RGS12: variants seen among roughly 807,000 people sequenced by gnomAD.
The protein encoded by RGS12 is regulator of G protein signaling 12.
Under a neutral mutation model 120.1 loss-of-function variants are expected in RGS12, and 66 were observed. The observed-to-expected ratio is 0.55, with a 90% CI of 0.45 to 0.67. The LOEUF is 0.67. Ranked by LOEUF, RGS12 falls within the 30% of genes least tolerant of loss-of-function variation. RGS12 has a pLI of 0.00. For synonymous variants in RGS12, 827 were observed against 804.7 expected, an observed-to-expected ratio of 1.03 and a Z score of -0.47; for missense variants, 1,859 against 1,957.7, an observed-to-expected ratio of 0.95 and a Z score of 0.95.
intron 3 of RGS12, among the ~76,000 whole-genome samples, chr4:3,355,733 T>G (rs1184654181): frequency 1.4e-5 from 2 of 139,166 alleles, no homozygotes; most frequent in African/African-American, 2.7e-5. Context: ...AGGTCAAGGC[T>G]GCAGTAAGCT....
Position 3,425,412 on chromosome 4 carries a change from T to C in RGS12, c.3235-52T>C, listed in dbSNP as rs1723502790. 1.3e-5 allele frequency: 19 copies of C among 1,476,418 alleles called. 3 individuals are homozygous for C. In the South Asian group the frequency reaches 1.6e-4, roughly 12 times the overall value. 91.5% of individuals were successfully genotyped at this position (1,476,418 alleles called of 1,614,324 possible). A position where few individuals can be genotyped will look rare whatever the true frequency, so the allele number is the denominator to read the frequency against. ...AGTCGGGTGGGATCACACACATCTGTTCCCTGAAGTTCCAGTCTGGGTAAA... is the reference window on the plus strand; with the variant it reads ...AGTCGGGTGGGATCACACACATCTGCTCCCTGAAGTTCCAGTCTGGGTAAA... On this transcript the variant is annotated intron_variant, in intron 13 of 17. Transcript: ENST00000336727.
intron 6 of RGS12, among the ~76,000 whole-genome samples, chr4:3,415,590 T>C (rs1400064057): frequency 6.6e-6 from 1 of 152,162 alleles, no homozygotes; most frequent in African/African-American, 2.4e-5. Context: ...GGCTGCTGTT[T>C]CCTCAGTTGG....
intron 12 of RGS12, among the ~76,000 whole-genome samples, 185 bp from the exon 13 acceptor site, chr4:3,423,330 T>G (rs911931616): frequency 2.0e-5 from 3 of 152,210 alleles, no homozygotes; most frequent in African/African-American, 7.2e-5. Flanking sequence ...GAGGAGACCA[T>G]AGCCCTTGCT....
At chr4:3,291,909 G>A (rs1374544828), upstream of RGS12, among the ~76,000 whole-genome samples, 1 of 152,222 alleles carries the variant, frequency 6.6e-6, no homozygotes, top group East Asian at 1.9e-4. Context: ...GTCCCACTGA[G>A]AATGCCATTG....
Position 3,414,175 on chromosome 4 carries a change from G to T in RGS12, c.2124G>T (p.Arg708Ser). 6.4e-7 allele frequency: 1 copy of T among 1,554,268 alleles called. No individual in the cohort carries two copies. The change falls in exon 5 of 18, where the codon AGG becomes AGT. Residue 708 changes from arginine to serine, a missense_variant. Physicochemically the swap from Arg to Ser is moderately radical, Grantham distance 110. Coordinates refer to ENST00000336727, the MANE Select transcript of RGS12 (RefSeq NM_001394154.1). ...VQSCRRLRER[R>S]VASWAVSFER... ...GCTGCCGGCGCCTGCGTGAGAGGAG[G>T]GTCGCCAGCTGGGCCGTGTCCTTTG...
intron 4 of RGS12, among the ~76,000 whole-genome samples, chr4:3,403,411 C>T (rs944578861): frequency 2.6e-5 from 4 of 152,170 alleles, no homozygotes; most frequent in Non-Finnish European, 2.9e-5. Flanking sequence ...GACTCACGGT[C>T]AGCCCAGAAA....
chr4:3,404,173 G>A (rs1346518975), intron 4 of RGS12, among the ~76,000 whole-genome samples: 1 of 152,206 alleles, frequency 6.6e-6, no homozygotes, highest in Non-Finnish European at 1.5e-5. Flanking sequence ...GTCTACACTT[G>A]CCCCAAGCCT....
At chr4:3,343,420 C>T (rs1713456813) in intron 3 of RGS12, among the ~76,000 whole-genome samples, 1 of 152,156 alleles carries the variant, frequency 6.6e-6, no homozygotes, top group Admixed American at 6.5e-5. Context: ...TGTGGCTCGT[C>T]TATCTGTGTT....
At chr4:3,369,466 TG>T (rs1716741189) in intron 3 of RGS12, among the ~76,000 whole-genome samples, 1 of 152,108 alleles carries the variant, frequency 6.6e-6, no homozygotes, top group Non-Finnish European at 1.5e-5. Context: ...CTGTGGGCAT[TG>T]AGTTTGCAGT....
At chr4:3,431,563 G>T in intron 17 of RGS12, 2 of 986,018 alleles carry the variant, frequency 2.0e-6, no homozygotes, top group South Asian at 9.4e-5. Context: ...AGGAAGCAGG[G>T]GATTCAGTGA....
intron 4 of RGS12, among the ~76,000 whole-genome samples, chr4:3,397,814 AGT>A (rs1720191242): frequency 2.0e-5 from 3 of 152,356 alleles, no homozygotes; most frequent in Non-Finnish European, 4.4e-5. Context: ...GGTAAACTTG[AGT>A]AATTATAGAT....
At chr4:3,438,780 T>G (rs1177550199) in intron 17 of RGS12, among the ~76,000 whole-genome samples, 5 of 150,090 alleles carry the variant, frequency 3.3e-5, no homozygotes, top group Non-Finnish European at 5.9e-5. Context: ...GGGGCTGGAG[T>G]GGGCATTGGA....
At chr4:3,311,772 A>G (rs1222154901) in intron 1 of RGS12, among the ~76,000 whole-genome samples, 1 of 152,218 alleles carries the variant, frequency 6.6e-6, no homozygotes, top group Non-Finnish European at 1.5e-5. Flanking sequence ...CATTACGTAT[A>G]TACAGATGTT....
At chr4:3,289,810 C>G (rs772022008), upstream of RGS12, among the ~76,000 whole-genome samples, 39 of 152,198 alleles carry the variant, frequency 2.6e-4, no homozygotes, top group Non-Finnish European at 4.4e-4. Flanking sequence ...CAATGTCTCC[C>G]CAATTCCTAC....
upstream of RGS12, among the ~76,000 whole-genome samples, chr4:3,290,565 C>T (rs942133811): frequency 6.6e-6 from 1 of 152,274 alleles, no homozygotes; most frequent in Non-Finnish European, 1.5e-5. Flanking sequence ...CGCCCCCACA[C>T]CCCGAGTCCC....
At chr4:3,412,576 G>A (rs867566907) in intron 4 of RGS12, among the ~76,000 whole-genome samples, 2 of 152,232 alleles carry the variant, frequency 1.3e-5, no homozygotes, top group African/African-American at 2.4e-5. Flanking sequence ...CAGCCTGGGC[G>A]GCTTATCCTG....
At position 3,323,122 on chromosome 4, in the gene RGS12, G is replaced by A. The variant is rs563738129; in HGVS notation, c.1881+5071G>A. On this transcript the variant is annotated intron_variant, in intron 2 of 17. Transcript: ENST00000336727. Reference sequence around the variant, plus strand: ...AGCGCAGTCTGCTGTCCAGGGTGGCGCGTGCCCCTCGGTGGGAGGACAAGC... The same window carrying A: ...AGCGCAGTCTGCTGTCCAGGGTGGCACGTGCCCCTCGGTGGGAGGACAAGC... 6.6e-5 allele frequency among the ~76,000 whole-genome samples: 10 copies of A among 152,374 alleles called. No individual in the cohort carries two copies. In the South Asian group the frequency reaches 1.9e-3, roughly 28 times the overall value.
At chr4:3,395,171 T>C (rs1265724763) in intron 4 of RGS12, among the ~76,000 whole-genome samples, 1 of 151,016 alleles carries the variant, frequency 6.6e-6, no homozygotes, top group Non-Finnish European at 1.5e-5. Context: ...TTTGCGCCAC[T>C]GCACTCCAGC....
At position 3,430,816 on chromosome 4, in the gene RGS12, G is replaced by A; in HGVS notation, c.3975G>A (p.Glu1325=). ...QIWKRQSQEV[E]AGGIQTVEDE... ...GGAAGAGGCAGTCTCAGGAAGTGGA[G>A]GCCGGGGGCATCCAGACGGTGGAGG... Residue 1325 remains glutamate, a synonymous_variant, in exon 17 of 18, where the codon GAG becomes GAA. Coordinates refer to ENST00000336727, the MANE Select transcript of RGS12 (RefSeq NM_001394154.1). 6.2e-7 allele frequency: 1 copy of A among 1,612,044 alleles called. No individual in the cohort carries two copies. The highest frequency in any genetic ancestry group is 8.5e-7 in the Non-Finnish European group (1 of 1,179,606).
Sources: allele counts gnomAD v4.1 joint callset (sites outside exome capture counted in the v4.1 genomes callset), GRCh38; gene constraint gnomAD v4.1.1; transcripts MANE v1.5; gene names NCBI Gene and HGNC (gene_info 2026-07-23, HGNC 2026-07-21).